The following RORA variants were observed in gnomAD, a reference collection of about 807,000 sequenced individuals.
The protein encoded by RORA is nuclear receptor ROR-alpha.
Under a neutral mutation model 69.5 loss-of-function variants are expected in RORA, and 7 were observed. That is an observed-to-expected ratio of 0.10 (90% CI 0.06 to 0.19). The LOEUF (loss-of-function observed/expected upper bound fraction) is 0.19, where lower values mean the gene tolerates loss of function less well. Ranked by LOEUF, RORA falls within the 10% of genes least tolerant of loss-of-function variation. The pLI is 1.00. For synonymous variants in RORA, 261 were observed against 240.8 expected (o/e 1.08, Z -0.78); for missense variants, 457 against 663.0 (o/e 0.69, Z 3.41).
At chr15:60,579,136 G>C (rs1371512991) in intron 2 of RORA, among the ~76,000 whole-genome samples, 1 of 149,226 alleles carries the variant, frequency 6.7e-6, no homozygotes. Flanking sequence ...GGTACAGCTT[G>C]GCATTACCGT....
intron 1 of RORA, among the ~76,000 whole-genome samples, chr15:61,070,048 T>A (rs1306460912): frequency 1.3e-5 from 2 of 152,254 alleles, no homozygotes; most frequent in Non-Finnish European, 2.9e-5. Flanking sequence ...AATGCATTAA[T>A]CTACTCCCTT....
intron 1 of RORA, among the ~76,000 whole-genome samples, chr15:61,059,535 G>C (rs1272378769): frequency 6.6e-6 from 1 of 152,120 alleles, no homozygotes; most frequent in Non-Finnish European, 1.5e-5. Context: ...GGAAGAATAG[G>C]GATTTGTAGA....
chr15:60,597,607 TA>T (rs2068719911), intron 2 of RORA, among the ~76,000 whole-genome samples: 1 of 45,356 alleles, frequency 2.2e-5, no homozygotes, highest in Admixed American at 2.3e-4. Flanking sequence ...CATATATATA[TA>T]TATATATATA....
intron 1 of RORA, 89 bp from the exon 2 acceptor site, chr15:60,678,775 C>T (rs895150195): frequency 2.5e-5 from 28 of 1,135,010 alleles, no homozygotes; most frequent in Non-Finnish European, 3.5e-5. Context: ...CTCAGGAAGG[C>T]GTTTAGTTCA....
At chr15:61,113,644 T>C (rs1373863680) in intron 1 of RORA, among the ~76,000 whole-genome samples, 1 of 152,136 alleles carries the variant, frequency 6.6e-6, no homozygotes, top group Non-Finnish European at 1.5e-5. Flanking sequence ...AGCTAGGAAG[T>C]TCCTGAGCCT....
chr15:60,879,421 A>G (rs1158286081), intron 1 of RORA, among the ~76,000 whole-genome samples: 1 of 152,210 alleles, frequency 6.6e-6, no homozygotes, highest in Non-Finnish European at 1.5e-5. Context: ...GGCCTTTAAC[A>G]GAGCCAGGCA....
chr15:60,808,518 C>T (rs1381565476), intron 1 of RORA, among the ~76,000 whole-genome samples: 1 of 152,000 alleles, frequency 6.6e-6, no homozygotes, highest in Non-Finnish European at 1.5e-5. Context: ...TCTTAAAGAA[C>T]TAAAGGTAGA....
At chr15:61,199,800 C>A (rs2079878325) in intron 1 of RORA, among the ~76,000 whole-genome samples, 1 of 152,192 alleles carries the variant, frequency 6.6e-6, no homozygotes, top group Non-Finnish European at 1.5e-5. Flanking sequence ...AAACTGATAA[C>A]AGGCTGACAA....
chr15:60,906,718 T>C (rs1891553466), intron 1 of RORA, among the ~76,000 whole-genome samples: 1 of 152,170 alleles, frequency 6.6e-6, no homozygotes, highest in African/African-American at 2.4e-5. Context: ...TGCAGAAATC[T>C]TACTGATAGC....
At chr15:60,772,823 C>T (rs1014395251) in intron 1 of RORA, among the ~76,000 whole-genome samples, 11 of 152,206 alleles carry the variant, frequency 7.2e-5, no homozygotes, top group Non-Finnish European at 1.3e-4. Context: ...CCTCCTCACA[C>T]CCACATTCCA....
chr15:60,811,484 C>A (rs2072742216), intron 1 of RORA, among the ~76,000 whole-genome samples: 1 of 152,154 alleles, frequency 6.6e-6, no homozygotes, highest in Non-Finnish European at 1.5e-5. Flanking sequence ...TTGAAAAAGA[C>A]TCTTTACAAA....
chr15:61,205,282 G>C (rs1420905290), intron 1 of RORA, among the ~76,000 whole-genome samples: 1 of 152,192 alleles, frequency 6.6e-6, no homozygotes, highest in African/African-American at 2.4e-5. Flanking sequence ...TGTTAGAGCT[G>C]CAAAGCACCG....
At chr15:61,206,309 T>A (rs1159207691) in intron 1 of RORA, among the ~76,000 whole-genome samples, 1 of 152,148 alleles carries the variant, frequency 6.6e-6, no homozygotes, top group African/African-American at 2.4e-5. Flanking sequence ...CCAGCAAGCG[T>A]CAGGCATTAT....
intron 1 of RORA, among the ~76,000 whole-genome samples, chr15:60,750,016 C>T (rs2071702103): frequency 6.6e-6 from 1 of 152,180 alleles, no homozygotes; most frequent in South Asian, 2.1e-4. Flanking sequence ...GCAAACAGAG[C>T]AAGACTCTGT....
chr15:60,764,546 A>G (rs2071951104), intron 1 of RORA, among the ~76,000 whole-genome samples: 1 of 152,128 alleles, frequency 6.6e-6, no homozygotes, highest in South Asian at 2.1e-4. Flanking sequence ...TGGAATGGAA[A>G]TCATTTGGCT....
At chr15:60,991,641 T>C (rs2140370131) in intron 1 of RORA, among the ~76,000 whole-genome samples, 1 of 152,322 alleles carries the variant, frequency 6.6e-6, no homozygotes, top group South Asian at 2.1e-4. Context: ...CTCACACCTG[T>C]AATCCCAGCA....
At chr15:60,745,942 C>T (rs532168132) in intron 1 of RORA, among the ~76,000 whole-genome samples, 1 of 152,152 alleles carries the variant, frequency 6.6e-6, no homozygotes, top group Non-Finnish European at 1.5e-5. Context: ...AAAGAATGTA[C>T]ACTATGAAAA....
At chr15:61,066,170 A>G (rs972967781) in intron 1 of RORA, among the ~76,000 whole-genome samples, 2 of 152,174 alleles carry the variant, frequency 1.3e-5, no homozygotes, top group South Asian at 2.1e-4. Flanking sequence ...ATTTTCACCT[A>G]TCACTCATCA....
At chr15:60,525,310 C>T (rs1057060464) in intron 3 of RORA, among the ~76,000 whole-genome samples, 1 of 152,178 alleles carries the variant, frequency 6.6e-6, no homozygotes, top group Admixed American at 6.5e-5. Context: ...TGGCTGGACG[C>T]TGCACTGTGG....
Sources: gnomAD v4.1 joint callset for allele counts (sites outside exome capture counted in the v4.1 genomes callset) on GRCh38, gnomAD v4.1.1 for gene constraint, MANE v1.5 for transcripts, NCBI Gene and HGNC (gene_info 2026-07-23, HGNC 2026-07-21) for gene names.